USP6NL: variants seen among roughly 807,000 people sequenced by gnomAD.
The protein encoded by USP6NL is USP6 N-terminal like, also known as USP6 N-terminal-like protein.
A neutral mutation model predicts 61.9 loss-of-function variants in USP6NL; 26 were observed. The ratio of observed to expected loss-of-function variants is 0.42; its 90% CI spans 0.31 to 0.58. The LOEUF (loss-of-function observed/expected upper bound fraction) is 0.58, where lower values mean the gene tolerates loss of function less well. Ranked by LOEUF, USP6NL falls within the 20% of genes least tolerant of loss-of-function variation. The pLI, the probability that USP6NL is intolerant of heterozygous loss-of-function variation, is 0.16. For missense variants in USP6NL, 1,114 were observed against 1,034.3 expected, an observed-to-expected ratio of 1.08 and a Z score of -1.06; for synonymous variants, 432 against 390.1, an observed-to-expected ratio of 1.11 and a Z score of -1.27.
chr10:11,557,569 C>A (rs1836759571), intron 2 of USP6NL, among the ~76,000 whole-genome samples: 1 of 152,084 alleles, frequency 6.6e-6, no homozygotes, highest in African/African-American at 2.4e-5. Context: ...GGGGCTGAAA[C>A]CTGACGACAG....
intron 4 of USP6NL, among the ~76,000 whole-genome samples, chr10:11,519,980 CTTT>C (rs1835140155): frequency 6.6e-6 from 1 of 152,182 alleles, no homozygotes; most frequent in South Asian, 2.1e-4. Context: ...CAAAGGCACT[CTTT>C]TTCTACTCTG....
intron 4 of USP6NL, among the ~76,000 whole-genome samples, chr10:11,519,871 C>A (rs1323291605): frequency 6.6e-6 from 1 of 152,146 alleles, no homozygotes; most frequent in Non-Finnish European, 1.5e-5. Flanking sequence ...ACTGTTTTGG[C>A]AACACTATGT....
chr10:11,525,370 A>C lies in USP6NL; in HGVS notation c.155+16T>G. 2 of 1,578,766 alleles carry C rather than the reference A, an allele frequency of 1.3e-6. No homozygotes were observed. The highest frequency in any genetic ancestry group is 1.7e-6 in the Non-Finnish European group (2 of 1,168,032). Reference sequence around the variant, plus strand: ...GTTATAATCTAAAAAGCAAGCTTTCAATCTATGTGACTTACTGTAAAAAGC... The same window carrying C: ...GTTATAATCTAAAAAGCAAGCTTTCCATCTATGTGACTTACTGTAAAAAGC... On this transcript the variant is annotated intron_variant, in intron 4 of 14. Transcript: ENST00000609104. The surrounding 1 kb of genome is among the most constrained non-coding windows in gnomAD (Gnocchi z 5.0).
intron 1 of USP6NL, among the ~76,000 whole-genome samples, chr10:11,609,861 A>G (rs1397996615): frequency 6.6e-6 from 1 of 152,222 alleles, no homozygotes; most frequent in Non-Finnish European, 1.5e-5. Context: ...TGGCTTGTTT[A>G]ACCAAAGTCA....
intron 14 of USP6NL, among the ~76,000 whole-genome samples, chr10:11,469,635 G>A: frequency 1.3e-5 from 2 of 152,296 alleles, no homozygotes; most frequent in South Asian, 4.1e-4. Context: ...AGGAGACAGG[G>A]ATATAAGAAA....
chr10:11,488,472 C>A (rs1774618526), intron 10 of USP6NL, among the ~76,000 whole-genome samples: 1 of 152,146 alleles, frequency 6.6e-6, no homozygotes, highest in African/African-American at 2.4e-5. Flanking sequence ...AACAAGGAAA[C>A]AGTTATTATA....
intron 10 of USP6NL, among the ~76,000 whole-genome samples, chr10:11,486,423 C>T (rs1833472291): frequency 6.6e-6 from 1 of 152,132 alleles, no homozygotes; most frequent in African/African-American, 2.4e-5. Context: ...GCTAAAAATA[C>T]AGGCACTAGA....
intron 2 of USP6NL, among the ~76,000 whole-genome samples, chr10:11,547,771 A>T (rs1370833506): frequency 4.6e-5 from 7 of 151,986 alleles, no homozygotes; most frequent in African/African-American, 1.7e-4. Flanking sequence ...CGATCTCCTG[A>T]CCTCGTGATC....
At chr10:11,527,984 A>G (rs1273728901) in intron 2 of USP6NL, among the ~76,000 whole-genome samples, 1 of 152,206 alleles carries the variant, frequency 6.6e-6, no homozygotes, top group Non-Finnish European at 1.5e-5. Flanking sequence ...AGCACAAGAT[A>G]CAATATTTAT....
Position 11,496,823 on chromosome 10 carries a change from A to T in USP6NL, c.385-3595T>A, listed in dbSNP as rs745660104. 1.3e-5 allele frequency among the ~76,000 whole-genome samples: 2 copies of T among 152,136 alleles called. No individual in the cohort carries two copies. Among genetic ancestry groups the T allele is most frequent in the Non-Finnish European group, 2.9e-5 (2 of 68,034 alleles). On this transcript the variant is annotated intron_variant, in intron 7 of 14. Transcript: ENST00000609104. The surrounding 1 kb of genome is among the most constrained non-coding windows in gnomAD (Gnocchi z 5.4). ...AATAAGGCTATTTGGGCATGTCTAGAATAAGTATGTGTATGTTAAGTGTTT... is the reference window on the plus strand; with the variant it reads ...AATAAGGCTATTTGGGCATGTCTAGTATAAGTATGTGTATGTTAAGTGTTT...
At chr10:11,560,714 T>TATTA (rs138095176) in intron 2 of USP6NL, among the ~76,000 whole-genome samples, 51 of 141,326 alleles carry the variant, frequency 3.6e-4, no homozygotes, top group Admixed American at 2.5e-3. Flanking sequence ...TATATATATA[T>TATTA]TATATATATA....
intron 1 of USP6NL, among the ~76,000 whole-genome samples, chr10:11,606,801 T>TC (rs1477360487): frequency 6.6e-6 from 1 of 151,990 alleles, no homozygotes; most frequent in Non-Finnish European, 1.5e-5. Context: ...TTTTCTTTTT[T>TC]TTTTTTTTGA....
rs554127994 is a variant in USP6NL, at chr10:11,600,051, T to C, written c.-83-2334A>G. On this transcript the variant is annotated intron_variant, in intron 1 of 14. Coordinates refer to ENST00000609104, the MANE Select transcript of USP6NL (RefSeq NM_014688.5). The surrounding 1 kb of genome is among the most constrained non-coding windows in gnomAD (Gnocchi z 4.1). ...ACAGGAGAAAATGTTTAGACTCCCT[T>C]TCTCCTCCCCTAAATGCTACTTTTG... 3.3e-5 allele frequency among the ~76,000 whole-genome samples: 5 copies of C among 152,242 alleles called. No homozygotes were observed. In the South Asian group the frequency reaches 1.0e-3, roughly 32 times the overall value.
chr10:11,601,944 T>C (rs567448510), intron 1 of USP6NL, among the ~76,000 whole-genome samples: 2 of 152,238 alleles, frequency 1.3e-5, no homozygotes, highest in African/African-American at 4.8e-5. Context: ...CTAGATCCTG[T>C]TTTTCTAAGT....
rs539229441 is a variant in USP6NL at position 11,460,606 on chromosome 10, G to A, written c.*1835C>T. On this transcript the variant is annotated 3_prime_UTR_variant, in exon 15 of 15. Coordinates refer to ENST00000609104, the MANE Select transcript of USP6NL (RefSeq NM_014688.5). Reference sequence around the variant, plus strand: ...TGACATAAGAAAATAGTGCTTGTGTGTATATATATATTTTTTGCATATATA... The same window carrying A: ...TGACATAAGAAAATAGTGCTTGTGTATATATATATATTTTTTGCATATATA... 1.5e-5 allele frequency: 2 copies of A among 136,628 alleles called. No individual in the cohort carries two copies. Among genetic ancestry groups the A allele is most frequent in the Non-Finnish European group, 3.1e-5 (2 of 64,542 alleles). 8.5% of individuals were successfully genotyped at this position (136,628 alleles called of 1,614,324 possible).
chr10:11,488,503 C>A (rs932456802), intron 10 of USP6NL, among the ~76,000 whole-genome samples: 23 of 152,164 alleles, frequency 1.5e-4, no homozygotes, highest in Admixed American at 5.2e-4. Flanking sequence ...ACTTGAAAAC[C>A]AAAAAATCAG....
intron 6 of USP6NL, among the ~76,000 whole-genome samples, chr10:11,501,544 G>C (rs901914213): frequency 6.6e-6 from 1 of 152,190 alleles, no homozygotes; most frequent in Non-Finnish European, 1.5e-5. Context: ...CACATTCCCT[G>C]ATGGTATAAT....
chr10:11,463,739 G>A lies in USP6NL; in HGVS notation c.1189C>T (p.Pro397Ser). ...NGQRSVGRPS[P>S]LASGRRESGA... The stretch of plus-strand genomic sequence containing the variant: ...CTCTCCCTCCTGCCGCTGGCCAGCG[G>A]GCTCGGCCGGCCCACGCTCCTCTGT... Residue 397 changes from proline to serine, a missense_variant, in exon 15 of 15, where the codon CCG becomes TCG. Transcript: ENST00000609104. The surrounding 1 kb of genome is among the most constrained non-coding windows in gnomAD (Gnocchi z 6.3). 6.3e-7 allele frequency: 1 copy of A among 1,599,700 alleles called. No homozygotes were observed. The highest frequency in any genetic ancestry group is 8.5e-7 in the Non-Finnish European group (1 of 1,172,040).
chr10:11,547,065 C>T (rs1836297421), intron 2 of USP6NL, among the ~76,000 whole-genome samples: 1 of 152,144 alleles, frequency 6.6e-6, no homozygotes, highest in African/African-American at 2.4e-5. Flanking sequence ...TTGTTTTCAT[C>T]TGATTCAACA....
Sources: gnomAD v4.1 joint callset for allele counts (sites outside exome capture counted in the v4.1 genomes callset) on GRCh38, gnomAD v4.1.1 for gene constraint, Gnocchi (gnomAD v3.1) non-coding constraint, MANE v1.5 for transcripts, NCBI Gene and HGNC (gene_info 2026-07-23, HGNC 2026-07-21) for gene names.